ZNF541: variants seen among roughly 807,000 people sequenced by gnomAD.
The protein encoded by ZNF541 is zinc finger protein 541.
ZNF541 carries 23 observed loss-of-function variants against 123.5 expected under a neutral mutation model. That is an observed-to-expected ratio of 0.19 (90% CI 0.13 to 0.26). ZNF541 has a LOEUF of 0.26. Among genes scored for constraint, ZNF541 ranks in the 10% least tolerant of loss-of-function variants. The pLI, the probability that ZNF541 is intolerant of heterozygous loss-of-function variation, is 1.00. For synonymous variants in ZNF541, 751 were observed against 754.5 expected, an observed-to-expected ratio of 1.00 and a Z score of 0.08; for missense variants, 1,612 against 1,789.9, an observed-to-expected ratio of 0.90 and a Z score of 1.79.
intron 2 of ZNF541, among the ~76,000 whole-genome samples, chr19:47,557,324 A>C (rs1485905173): frequency 3.3e-5 from 5 of 152,198 alleles, no homozygotes; most frequent in African/African-American, 4.8e-5. Context: ...ATAAATGAAA[A>C]GAAAAGCTTC....
At position 47,529,656 on chromosome 19, in the gene ZNF541, G is replaced by A; in HGVS notation, c.3406-4C>T. 1.3e-6 allele frequency: 2 copies of A among 1,551,564 alleles called. No homozygotes were observed. The highest frequency in any genetic ancestry group is 1.7e-6 in the Non-Finnish European group (2 of 1,146,926). ...GCAGAAGAGTCTCCAGGGCGACCTG[G>A]AACAAGAGGAGCGACAGGCTGCCCA... On this transcript the variant is annotated splice_region_variant and splice_polypyrimidine_tract_variant and intron_variant, in intron 12 of 16. Transcript: ENST00000391901.
Position 47,545,219 on chromosome 19 carries a change from G to A in ZNF541, c.1310C>T (p.Ser437Leu). 1.3e-6 allele frequency: 2 copies of A among 1,540,580 alleles called. No homozygotes were observed. The highest frequency in any genetic ancestry group is 8.8e-7 in the Non-Finnish European group (1 of 1,142,614). The change falls in exon 5 of 17, where the codon TCG becomes TTG. Residue 437 changes from serine (S) to leucine (L), a missense_variant. Transcript: ENST00000391901. This position sits in a 1 kb window ranked among gnomAD's most constrained non-coding sequence, Gnocchi z 7.5. ...GNNVFVVHKP[S>L]AVPSREGSES... ...GGAGCCCTCCCGCGAGGGCACGGCC[G>A]AGGGCTTGTGGACAACAAACACGTT...
intron 3 of ZNF541, 130 bp from the exon 4 acceptor site, chr19:47,549,615 C>T (rs117609291): frequency 3.1e-5 from 43 of 1,377,752 alleles, no homozygotes; most frequent in Non-Finnish European, 3.9e-5. Flanking sequence ...TTGCTCCACA[C>T]AAAGTAAACA....
Position 47,545,105 on chromosome 19 carries a change from G to A in ZNF541, c.1424C>T (p.Pro475Leu). 2 of 1,481,592 alleles carry A rather than the reference G, an allele frequency of 1.3e-6. No homozygotes were observed. 91.8% of individuals were successfully genotyped at this position (1,481,592 alleles called of 1,614,324 possible). The stretch of plus-strand genomic sequence containing the variant: ...CGCGGGGACCCTGAGGAGCGCGGCA[G>A]GGAAGGGCAGAGCATCCTCCAGGCC... The part of the protein sequence containing the change: ...GGGLEDALPF[P>L]AALLRVPAEA... Residue 475 changes from proline to leucine, a missense_variant, in exon 5 of 17, where the codon CCT becomes CTT. By Grantham distance (98) the Pro-to-Leu change is moderately conservative. Around this residue, in one of 5 missense-constraint regions of ZNF541, gnomAD observed 1,080 missense variants for 1,013.8 expected, o/e 1.07. Transcript: ENST00000391901. The surrounding 1 kb of genome is among the most constrained non-coding windows in gnomAD (Gnocchi z 7.5).
chr19:47,560,960 G>A (rs1241650139), intron 2 of ZNF541, among the ~76,000 whole-genome samples: 2 of 152,060 alleles, frequency 1.3e-5, no homozygotes, highest in Admixed American at 6.6e-5. Flanking sequence ...AAGGAAGCCA[G>A]TATGAAAAGA....
intron 2 of ZNF541, among the ~76,000 whole-genome samples, chr19:47,559,834 A>G (rs1271583242): frequency 6.9e-6 from 1 of 145,560 alleles, no homozygotes; most frequent in East Asian, 2.0e-4. Context: ...TGGGTGACAG[A>G]GCAAGACTCT....
At chr19:47,548,129 C>A (rs112288669) in intron 4 of ZNF541, among the ~76,000 whole-genome samples, 2,221 of 135,210 alleles carry the variant, frequency 0.016, 44 homozygotes, top group African/African-American at 0.049. Flanking sequence ...GAAAAAAAAA[C>A]AAAAAAAAAA....
chr19:47,531,753 C>T lies in ZNF541; in HGVS notation c.3302-8G>A, dbSNP rs1969583381. The T allele has an allele frequency of 6.5e-7, 1 of 1,538,920 alleles. No homozygotes were observed. The highest frequency in any genetic ancestry group is 2.0e-5 in the Admixed American group (1 of 50,424). The stretch of plus-strand genomic sequence containing the variant: ...CATTGCAGAGCTCGGTCACTGTTTC[C>T]AAGAAGGACATGAGGAAGAGGAGGC... On this transcript the variant is annotated splice_polypyrimidine_tract_variant and splice_region_variant and intron_variant, in intron 11 of 16. Coordinates refer to ENST00000391901, the MANE Select transcript of ZNF541 (RefSeq NM_001277075.3).
At chr19:47,548,051 A>C (rs12981103) in intron 4 of ZNF541, among the ~76,000 whole-genome samples, 16,384 of 148,956 alleles carry the variant, frequency 0.11, 1,066 homozygotes, top group East Asian at 0.21. Flanking sequence ...AAAAAAAAAA[A>C]AGGAAATTTT....
chr19:47,530,643 C>A (rs1373447253), intron 12 of ZNF541, among the ~76,000 whole-genome samples: 1 of 151,860 alleles, frequency 6.6e-6, no homozygotes, highest in Non-Finnish European at 1.5e-5. Flanking sequence ...TTAAGAATTT[C>A]TTTTCTTTTT....
chr19:47,534,187 C>T (rs998181379), intron 9 of ZNF541, among the ~76,000 whole-genome samples: 1 of 151,946 alleles, frequency 6.6e-6, no homozygotes, highest in Non-Finnish European at 1.5e-5. Flanking sequence ...TTTGAGTTGA[C>T]AGGAAGAAAA....
At position 47,540,854 on chromosome 19, in the gene ZNF541, T is replaced by C. The variant is rs775826763; in HGVS notation, c.2462+39A>G. 8 of 1,547,686 alleles carry C rather than the reference T, an allele frequency of 5.2e-6. No homozygotes were observed. The Admixed American group carries it at 1.4e-4, about 27-fold the overall frequency. On this transcript the variant is annotated intron_variant, in intron 6 of 16. Coordinates refer to ENST00000391901, the MANE Select transcript of ZNF541 (RefSeq NM_001277075.3). Reference sequence around the variant, plus strand: ...CGGCACAGGAAGGCCAGAGGACTCCTGCCAGGGTGCATGCAGGATCGGGGG... The same window carrying C: ...CGGCACAGGAAGGCCAGAGGACTCCCGCCAGGGTGCATGCAGGATCGGGGG...
intron 4 of ZNF541, among the ~76,000 whole-genome samples, chr19:47,548,467 A>G (rs1970460117): frequency 6.6e-6 from 1 of 151,728 alleles, no homozygotes. Flanking sequence ...AAAAAGAAAA[A>G]AAAAGAAAAA....
chr19:47,523,338 T>TAA (rs1437417516), intron 14 of ZNF541, among the ~76,000 whole-genome samples: 256 of 118,064 alleles, frequency 2.2e-3, no homozygotes, highest in African/African-American at 0.011. Flanking sequence ...AGCGTCTCTT[T>TAA]TAAAAAAAAA....
At chr19:47,546,206 T>TAAAAA (rs113946046) in intron 4 of ZNF541, among the ~76,000 whole-genome samples, 27 of 125,726 alleles carry the variant, frequency 2.1e-4, no homozygotes, top group Admixed American at 6.3e-4. Flanking sequence ...TACAGAAAAG[T>TAAAAA]AAAAAAAAAA....
intron 14 of ZNF541, 136 bp downstream of exon 14, chr19:47,528,814 T>G: frequency 1.5e-6 from 1 of 649,978 alleles, no homozygotes; most frequent in Non-Finnish European, 2.7e-6. Context: ...TTTTTGACAT[T>G]GTAAACTGTC....
rs1206374994 is a variant in ZNF541 at position 47,521,338 on chromosome 19, C to T, written c.3927G>A (p.Lys1309=). The T allele has an allele frequency of 1.3e-6, 2 of 1,551,744 alleles. No homozygotes were observed. Among genetic ancestry groups the T allele is most frequent in the East Asian group, 2.4e-5 (1 of 40,922 alleles). The part of the protein sequence containing the change: ...DKIKSRNAHM[K]RHRLQDHVEP... The stretch of plus-strand genomic sequence containing the variant: ...CCACGTGGTCCTGAAGGCGGTGCCG[C>T]TTCATATGGGCATTTCGACTCTTGA... Residue 1309 remains lysine (K), a synonymous_variant, in exon 17 of 17, where the codon AAG becomes AAA. Transcript: ENST00000391901. This position sits in a 1 kb window ranked among gnomAD's most constrained non-coding sequence, Gnocchi z 4.2.
chr19:47,531,869 A>C (rs1341025424), intron 11 of ZNF541, 124 bp from the exon 12 acceptor site: 3 of 953,956 alleles, frequency 3.1e-6, no homozygotes, highest in Non-Finnish European at 3.1e-6. Context: ...CATCTCAGGG[A>C]GGGACAAGGA....
intron 9 of ZNF541, among the ~76,000 whole-genome samples, chr19:47,536,907 G>T: frequency 6.6e-6 from 1 of 152,202 alleles, no homozygotes; most frequent in East Asian, 1.9e-4. Flanking sequence ...GCCATAAAAA[G>T]GAATTGAGCA....
Sources: allele counts gnomAD v4.1 joint callset (sites outside exome capture counted in the v4.1 genomes callset), GRCh38; gene constraint gnomAD v4.1.1; regional missense constraint gnomAD v4.1.1; non-coding constraint Gnocchi (gnomAD v3.1); transcripts MANE v1.5; gene names NCBI Gene and HGNC (gene_info 2026-07-23, HGNC 2026-07-21).